The following KCNIP4 variants were observed in gnomAD, a reference collection of about 807,000 sequenced individuals.
The protein encoded by KCNIP4 is potassium voltage-gated channel interacting protein 4, also known as Kv channel-interacting protein 4.
KCNIP4 carries 12 observed loss-of-function variants against 34.0 expected under a neutral mutation model. The ratio of observed to expected loss-of-function variants is 0.35; its 90% CI spans 0.23 to 0.57. The LOEUF is 0.57. Among genes scored for constraint, KCNIP4 ranks in the 20% least tolerant of loss-of-function variants. KCNIP4 has a pLI of 0.83. For missense variants in KCNIP4, 238 were observed against 311.7 expected, an observed-to-expected ratio of 0.76 and a Z score of 1.78; for synonymous variants, 124 against 102.2, an observed-to-expected ratio of 1.21 and a Z score of -1.29.
intron 1 of KCNIP4, among the ~76,000 whole-genome samples, chr4:21,867,719 C>A (rs531292041): frequency 8.5e-5 from 13 of 152,188 alleles, no homozygotes; most frequent in Non-Finnish European, 1.5e-4. Flanking sequence ...AGTGAGAATC[C>A]TCTAAACCAC....
chr4:21,116,148 A>C (rs749925433), intron 1 of KCNIP4, among the ~76,000 whole-genome samples: 3 of 152,174 alleles, frequency 2.0e-5, no homozygotes, highest in Non-Finnish European at 4.4e-5. Flanking sequence ...AAGTCTATCT[A>C]TTTATAAATA....
chr4:21,252,426 G>A (rs1013573157), intron 1 of KCNIP4, among the ~76,000 whole-genome samples: 2 of 151,914 alleles, frequency 1.3e-5, no homozygotes, highest in Non-Finnish European at 2.9e-5. Context: ...TCCCTCGCCC[G>A]GCCAAGGTAT....
At chr4:21,405,479 C>A (rs1723904943) in intron 1 of KCNIP4, among the ~76,000 whole-genome samples, 1 of 152,102 alleles carries the variant, frequency 6.6e-6, no homozygotes, top group Non-Finnish European at 1.5e-5. Context: ...ATTATTGGAG[C>A]CCGGTATATT....
At chr4:21,665,427 C>T (rs116701539) in intron 1 of KCNIP4, among the ~76,000 whole-genome samples, 3,794 of 152,012 alleles carry the variant, frequency 0.025, 66 homozygotes, top group Non-Finnish European at 0.042. Flanking sequence ...GCTAAAAAAC[C>T]TAACTTTAAA....
intron 1 of KCNIP4, among the ~76,000 whole-genome samples, chr4:21,681,749 G>A (rs187894494): frequency 2.0e-3 from 297 of 152,260 alleles, no homozygotes; most frequent in African/African-American, 6.4e-3. Flanking sequence ...TGTACAGGAA[G>A]CACAGCAGCA....
chr4:21,769,248 G>A (rs924853084), intron 1 of KCNIP4, among the ~76,000 whole-genome samples: 6 of 151,952 alleles, frequency 3.9e-5, no homozygotes, highest in Admixed American at 6.6e-5. Flanking sequence ...ATTTTATTGG[G>A]AGTGAACATT....
intron 1 of KCNIP4, among the ~76,000 whole-genome samples, chr4:21,091,686 G>A (rs1322867847): frequency 6.6e-6 from 1 of 152,128 alleles, no homozygotes. Context: ...TGCCAGCATG[G>A]TCAGGTTCCA....
At chr4:21,569,578 G>C (rs1740204822) in intron 1 of KCNIP4, among the ~76,000 whole-genome samples, 2 of 152,014 alleles carry the variant, frequency 1.3e-5, no homozygotes, top group South Asian at 4.1e-4. Flanking sequence ...GGATAAAAGA[G>C]AAAAAGAATA....
chr4:21,937,024 C>T (rs771637392), intron 1 of KCNIP4, among the ~76,000 whole-genome samples: 1 of 151,998 alleles, frequency 6.6e-6, no homozygotes, highest in Non-Finnish European at 1.5e-5. Flanking sequence ...AACTAATTCC[C>T]AAACTGGCAC....
intron 1 of KCNIP4, among the ~76,000 whole-genome samples, chr4:21,736,227 G>A (rs558759492): frequency 6.6e-6 from 1 of 152,076 alleles, no homozygotes; most frequent in South Asian, 2.1e-4. Context: ...AGATTTTGGG[G>A]GTTACTCATC....
intron 1 of KCNIP4, among the ~76,000 whole-genome samples, chr4:21,813,350 A>T (rs1476904002): frequency 3.9e-5 from 6 of 152,212 alleles, no homozygotes; most frequent in Non-Finnish European, 4.4e-5. Context: ...CAAATTAAAA[A>T]TTATTACCAT....
intron 1 of KCNIP4, among the ~76,000 whole-genome samples, chr4:21,397,978 C>A (rs1415702054): frequency 6.6e-6 from 1 of 152,198 alleles, no homozygotes; most frequent in Admixed American, 6.5e-5. Flanking sequence ...GAAACACAGT[C>A]ACACACACCG....
chr4:21,589,650 A>G (rs1742021719), intron 1 of KCNIP4, among the ~76,000 whole-genome samples: 2 of 151,982 alleles, frequency 1.3e-5, no homozygotes, highest in Admixed American at 1.3e-4. Context: ...CAAAGGACAG[A>G]AGGCAAATTA....
At chr4:21,206,995 A>C (rs1282298570) in intron 1 of KCNIP4, among the ~76,000 whole-genome samples, 1 of 152,214 alleles carries the variant, frequency 6.6e-6, no homozygotes, top group East Asian at 1.9e-4. Flanking sequence ...TGTTTTTGGC[A>C]GATGATCACT....
intron 1 of KCNIP4, among the ~76,000 whole-genome samples, chr4:21,417,077 A>C (rs1283191003): frequency 6.6e-6 from 1 of 152,162 alleles, no homozygotes; most frequent in Non-Finnish European, 1.5e-5. Context: ...TGGAAAATCG[A>C]ACTGGGATTG....
intron 1 of KCNIP4, among the ~76,000 whole-genome samples, chr4:21,201,824 G>A (rs1311456350): frequency 6.6e-6 from 1 of 152,130 alleles, no homozygotes; most frequent in Non-Finnish European, 1.5e-5. Context: ...TAAGTTGTAA[G>A]ATCTATTTCC....
chr4:21,203,182 G>A (rs1756611010), intron 1 of KCNIP4, among the ~76,000 whole-genome samples: 1 of 152,200 alleles, frequency 6.6e-6, no homozygotes, highest in East Asian at 1.9e-4. Flanking sequence ...GGGATCCCAA[G>A]TACCTGCAAT....
At chr4:21,426,788 G>C (rs552300202) in intron 1 of KCNIP4, among the ~76,000 whole-genome samples, 2 of 151,796 alleles carry the variant, frequency 1.3e-5, no homozygotes, top group African/African-American at 4.8e-5. Flanking sequence ...TAGTTTTAAG[G>C]CTTTTAATTT....
intron 1 of KCNIP4, among the ~76,000 whole-genome samples, chr4:21,183,934 A>G (rs570283924): frequency 3.3e-5 from 5 of 152,148 alleles, no homozygotes; most frequent in Non-Finnish European, 1.5e-5. Flanking sequence ...TTCTCAGGCC[A>G]TCACTCTCTA....
Sources: gnomAD v4.1 joint callset for allele counts (sites outside exome capture counted in the v4.1 genomes callset) on GRCh38, gnomAD v4.1.1 for gene constraint, MANE v1.5 for transcripts, NCBI Gene and HGNC (gene_info 2026-07-23, HGNC 2026-07-21) for gene names.